Variants in GLIS3 observed in about 807,000 individuals in gnomAD.
GLIS3 encodes zinc finger protein GLIS3.
A neutral mutation model predicts 78.6 loss-of-function variants in GLIS3; 53 were observed. That is an observed-to-expected ratio of 0.67 (90% CI 0.54 to 0.85). GLIS3 has a LOEUF of 0.85. Among genes scored for constraint, GLIS3 ranks in the 40% least tolerant of loss-of-function variants. The probability of loss-of-function intolerance (pLI) is 0.00; values close to 1 mark genes in which losing one functional copy is unlikely to be tolerated. For missense variants in GLIS3, 1,703 were observed against 1,231.1 expected, an observed-to-expected ratio of 1.38 and a Z score of -5.74; for synonymous variants, 684 against 509.9, an observed-to-expected ratio of 1.34 and a Z score of -4.60.
chr9:4,275,807 T>C (rs914925709), intron 2 of GLIS3, among the ~76,000 whole-genome samples: 4 of 152,066 alleles, frequency 2.6e-5, no homozygotes, highest in Non-Finnish European at 5.9e-5. Context: ...TAAATATTTT[T>C]AAAAAGAATG....
chr9:4,068,541 T>G (rs1165692678), intron 4 of GLIS3, among the ~76,000 whole-genome samples: 3 of 152,226 alleles, frequency 2.0e-5, no homozygotes, highest in Admixed American at 1.3e-4. Flanking sequence ...AGCTATTTTC[T>G]ATTTTGTTTA....
chr9:4,393,792 T>C, the GLIS3 span, among the ~76,000 whole-genome samples: 1 of 152,230 alleles, frequency 6.6e-6, no homozygotes, highest in Admixed American at 6.5e-5. Flanking sequence ...TCTCCATTTT[T>C]AGTAATGTTA....
chr9:4,374,862 T>C, the GLIS3 span, among the ~76,000 whole-genome samples: 13 of 152,378 alleles, frequency 8.5e-5, no homozygotes, highest in South Asian at 1.0e-3. Context: ...GTGCACACAA[T>C]TGAATATACT....
At chr9:4,226,174 G>T (rs192764080) in intron 2 of GLIS3, among the ~76,000 whole-genome samples, 1 of 152,050 alleles carries the variant, frequency 6.6e-6, no homozygotes, top group Admixed American at 6.6e-5. Context: ...AACAGATAAC[G>T]TATTGGATAC....
chr9:4,133,594 G>A (rs1833138700), intron 2 of GLIS3, among the ~76,000 whole-genome samples: 1 of 152,174 alleles, frequency 6.6e-6, no homozygotes. Flanking sequence ...AGCTCTCTGT[G>A]CCTCAGTGTC....
At chr9:4,012,851 C>A (rs1822143401) in intron 4 of GLIS3, among the ~76,000 whole-genome samples, 1 of 142,242 alleles carries the variant, frequency 7.0e-6, no homozygotes, top group Non-Finnish European at 1.5e-5. Flanking sequence ...CAGCTCACTG[C>A]AACCTCAACC....
At chr9:4,047,722 C>G (rs753173563) in intron 4 of GLIS3, among the ~76,000 whole-genome samples, 1 of 152,114 alleles carries the variant, frequency 6.6e-6, no homozygotes, top group Non-Finnish European at 1.5e-5. Flanking sequence ...GCTCAGTGTG[C>G]TACCCCATGC....
chr9:4,033,845 C>T (rs373615062), intron 4 of GLIS3, among the ~76,000 whole-genome samples: 2 of 73,294 alleles, frequency 2.7e-5, no homozygotes, highest in African/African-American at 9.4e-5. Context: ...TAATTGCCCC[C>T]AAAAACATAG....
intron 2 of GLIS3, among the ~76,000 whole-genome samples, chr9:4,186,704 G>A (rs1199720472): frequency 1.3e-5 from 2 of 152,082 alleles, no homozygotes; most frequent in East Asian, 3.9e-4. Flanking sequence ...ACTGGTGTGA[G>A]ATGGTATCTC....
chr9:3,941,345 A>G (rs2130808808), intron 4 of GLIS3, among the ~76,000 whole-genome samples: 1 of 151,744 alleles, frequency 6.6e-6, no homozygotes, highest in East Asian at 1.9e-4. Context: ...TAAATTCCCA[A>G]CTTTTTATTT....
At chr9:4,045,916 A>T (rs1190420826) in intron 4 of GLIS3, among the ~76,000 whole-genome samples, 1 of 152,190 alleles carries the variant, frequency 6.6e-6, no homozygotes, top group African/African-American at 2.4e-5. Flanking sequence ...AAGATTCTAA[A>T]AATTATATAG....
the GLIS3 span, among the ~76,000 whole-genome samples, chr9:4,367,437 T>TA: frequency 6.2e-4 from 95 of 152,136 alleles, 1 homozygote; most frequent in South Asian, 4.1e-4. Context: ...AAACTAGGTC[T>TA]TCCTGCTTGA....
intron 4 of GLIS3, among the ~76,000 whole-genome samples, chr9:4,081,652 A>G (rs1372815580): frequency 6.6e-6 from 1 of 152,226 alleles, no homozygotes; most frequent in Non-Finnish European, 1.5e-5. Context: ...GAGGGACTGT[A>G]ATAGCAACCA....
intron 4 of GLIS3, among the ~76,000 whole-genome samples, chr9:4,013,536 A>G (rs567176896): frequency 6.6e-6 from 1 of 152,302 alleles, no homozygotes; most frequent in East Asian, 1.9e-4. Context: ...ACATCTATAC[A>G]TTTATAGCCT....
chr9:4,148,447 T>C (rs556961392), intron 2 of GLIS3, among the ~76,000 whole-genome samples: 1 of 152,168 alleles, frequency 6.6e-6, no homozygotes, highest in Non-Finnish European at 1.5e-5. Flanking sequence ...CCATATTCCT[T>C]CCTCCAATGC....
At chr9:4,380,128 A>C in the GLIS3 span, among the ~76,000 whole-genome samples, 3 of 152,226 alleles carry the variant, frequency 2.0e-5, no homozygotes, top group Non-Finnish European at 4.4e-5. Flanking sequence ...TCAAACCTAG[A>C]AGGCATCTTG....
intron 4 of GLIS3, among the ~76,000 whole-genome samples, chr9:3,961,609 A>C (rs1030128534): frequency 1.3e-5 from 2 of 152,250 alleles, no homozygotes; most frequent in Non-Finnish European, 2.9e-5. Context: ...AGGAAATAGC[A>C]TCCCGTTTTG....
At chr9:4,418,022 C>G in the GLIS3 span, among the ~76,000 whole-genome samples, 107,963 of 152,062 alleles carry the variant, frequency 0.71, 38,532 homozygotes, top group South Asian at 0.77. Flanking sequence ...CTAAAACCCG[C>G]TAACACCTCC....
chr9:4,167,977 G>C (rs907654883), intron 2 of GLIS3, among the ~76,000 whole-genome samples: 5 of 152,194 alleles, frequency 3.3e-5, no homozygotes, highest in Non-Finnish European at 7.3e-5. Context: ...CAGCTGCAAG[G>C]AGGCAAGGAA....
Sources: allele counts gnomAD v4.1 joint callset (sites outside exome capture counted in the v4.1 genomes callset), GRCh38; gene constraint gnomAD v4.1.1; transcripts MANE v1.5; gene names NCBI Gene and HGNC (gene_info 2026-07-23, HGNC 2026-07-21).